CROT: variants seen among roughly 807,000 people sequenced by gnomAD.
The protein encoded by CROT is carnitine O-octanoyltransferase, also known as peroxisomal carnitine O-octanoyltransferase.
In CROT, 84 loss-of-function variants were observed where a neutral mutation model predicts 89.2. The observed-to-expected ratio is 0.94, with a 90% confidence interval of 0.79 to 1.13. The LOEUF is 1.13. Among genes scored for constraint, CROT ranks in the 50% most tolerant of loss-of-function variants. The pLI, the probability that CROT is intolerant of heterozygous loss-of-function variation, is 0.00. For synonymous variants in CROT, 212 were observed against 239.5 expected (o/e 0.89, Z 1.06); for missense variants, 711 against 727.8 (o/e 0.98, Z 0.27).
In CROT at chr7:87,375,928, A is replaced by T; in HGVS notation, c.851A>T (p.His284Leu). ...LVYSMEDSSP[H>L]VTPEDYSEII... is the part of the protein sequence containing the mutation. ...TATTCCATGGAGGATAGCAGTCCAC[A>T]TGTAACACCAGAGGATTATTCTGAG... The change falls in exon 9 of 18, where the codon CAT becomes CTT. Residue 284 changes from histidine (H) to leucine (L), a missense_variant. Coordinates refer to ENST00000331536, the MANE Select transcript of CROT (RefSeq NM_021151.4). 6.2e-7 allele frequency: 1 copy of T among 1,611,432 alleles called. No homozygotes were observed. Among genetic ancestry groups the T allele is most frequent in the Non-Finnish European group, 8.5e-7 (1 of 1,178,958 alleles).
chr7:87,383,488 T>G (rs974742653), intron 13 of CROT, among the ~76,000 whole-genome samples: 1 of 138,876 alleles, frequency 7.2e-6, no homozygotes, highest in Non-Finnish European at 1.5e-5. Context: ...CCATTGTGTA[T>G]GTATATCACT....
intron 6 of CROT, 46 bp downstream of exon 6, chr7:87,361,898 TG>T: frequency 1.3e-6 from 2 of 1,527,976 alleles, no homozygotes; most frequent in Non-Finnish European, 1.8e-6. Context: ...CACTGGAATT[TG>T]GGTAGCCTAC....
intron 1 of CROT, 37 bp downstream of exon 1, chr7:87,345,804 T>G: frequency 4.5e-6 from 1 of 221,000 alleles, no homozygotes. Context: ...CCCCTAATCC[T>G]TCAACTCGGG....
chr7:87,351,308 C>CAAAA (rs11295263), intron 3 of CROT, among the ~76,000 whole-genome samples: 1,131 of 66,176 alleles, frequency 0.017, 2 homozygotes, highest in East Asian at 0.024. Flanking sequence ...GACTCCATCT[C>CAAAA]AAAAAAAAAA....
At position 87,368,561 on chromosome 7, in the gene CROT, C is replaced by T. The variant is rs552142241; in HGVS notation, c.548-815C>T. Among the ~76,000 whole-genome samples the T allele has an allele frequency of 2.0e-5, 3 of 152,246 alleles. No homozygotes were observed. The South Asian group carries it at 6.2e-4, about 32-fold the overall frequency. On this transcript the variant is annotated intron_variant, in intron 6 of 17. Transcript: ENST00000331536. ...TTTTTATCAGGAGACTGTTCTTCCTCATAGTTGATGAAAAGATTTCATAAG... is the reference window on the plus strand; with the variant it reads ...TTTTTATCAGGAGACTGTTCTTCCTTATAGTTGATGAAAAGATTTCATAAG...
intron 13 of CROT, among the ~76,000 whole-genome samples, chr7:87,389,068 A>G (rs1807273711): frequency 6.6e-6 from 1 of 152,350 alleles, no homozygotes; most frequent in South Asian, 2.1e-4. Flanking sequence ...CAAAATCACA[A>G]TGAGATACCA....
chr7:87,365,349 GCA>G lies in CROT; in HGVS notation c.547+3500_547+3501del, dbSNP rs1188371696. 2.0e-5 allele frequency among the ~76,000 whole-genome samples: 3 copies of G among 152,102 alleles called. No homozygotes were observed. The East Asian group carries it at 5.8e-4, about 29-fold the overall frequency. On this transcript the variant is annotated intron_variant, in intron 6 of 17. Coordinates refer to ENST00000331536, the MANE Select transcript of CROT (RefSeq NM_021151.4). Reference sequence around the variant, plus strand: ...ACTAAAAATACAAAAATTTAGCTGGGCACAGTGGCTCGCGCCTGTAATCCCAG... The same window carrying G: ...ACTAAAAATACAAAAATTTAGCTGGGCAGTGGCTCGCGCCTGTAATCCCAG...
Position 87,391,692 on chromosome 7 carries a change from A to T in CROT, c.1405A>T (p.Met469Leu), listed in dbSNP as rs1201281194. 1.2e-6 allele frequency: 2 copies of T among 1,609,674 alleles called. No homozygotes were observed. The highest frequency in any genetic ancestry group is 1.7e-6 in the Non-Finnish European group (2 of 1,178,440). Residue 469 changes from methionine to leucine, a missense_variant, in exon 14 of 18, where the codon ATG becomes TTG. By Grantham distance (15) the Met-to-Leu change is conservative. Coordinates refer to ENST00000331536, the MANE Select transcript of CROT (RefSeq NM_021151.4). ...TVEAVRWCQS[M>L]QDPSVNLRER... is the part of the protein sequence containing the mutation. ...TGAAGCAGTGAGGTGGTGCCAGTCCATGCAGGATCCTTCTGTCAATGTGAG... is the reference window on the plus strand; with the variant it reads ...TGAAGCAGTGAGGTGGTGCCAGTCCTTGCAGGATCCTTCTGTCAATGTGAG...
intron 6 of CROT, among the ~76,000 whole-genome samples, chr7:87,362,359 C>T (rs802028): frequency 0.16 from 22,779 of 145,318 alleles, 2,239 homozygotes; most frequent in African/African-American, 0.29. Context: ...GCCCAGGTTG[C>T]GACCTCAGCT....
In CROT at chr7:87,357,442, G is replaced by C. The variant is rs570694016; in HGVS notation, c.116-1764G>C. ...AGACAGACCCCATTTATCAGAGGTGGCCAATTAGTGCTGTGCAGGCTGAAT... is the reference window on the plus strand; with the variant it reads ...AGACAGACCCCATTTATCAGAGGTGCCCAATTAGTGCTGTGCAGGCTGAAT... On this transcript the variant is annotated intron_variant, in intron 3 of 17. Coordinates refer to ENST00000331536, the MANE Select transcript of CROT (RefSeq NM_021151.4). 104 of 1,549,486 alleles carry C rather than the reference G, an allele frequency of 6.7e-5. 1 individual carries two copies. In the East Asian group the frequency reaches 9.5e-4, roughly 14 times the overall value.
At chr7:87,346,250 A>G (rs1584612709) in intron 1 of CROT, 90 bp from the exon 2 acceptor site, 3 of 152,190 alleles carry the variant, frequency 2.0e-5, no homozygotes, top group Non-Finnish European at 2.9e-5. Context: ...CCCAACTCCT[A>G]GTTTGTCTGC....
At chr7:87,397,416 G>A (rs973941519) in intron 17 of CROT, among the ~76,000 whole-genome samples, 1 of 151,912 alleles carries the variant, frequency 6.6e-6, no homozygotes, top group Non-Finnish European at 1.5e-5. Flanking sequence ...GTTTACCTAT[G>A]AAGTAAAACA....
chr7:87,356,153 G>GT (rs1312075512), intron 3 of CROT, among the ~76,000 whole-genome samples: 1 of 151,904 alleles, frequency 6.6e-6, no homozygotes, highest in Non-Finnish European at 1.5e-5. Context: ...GCTAATTTTT[G>GT]TATCTTTTGT....
chr7:87,352,252 T>G (rs1185870564), intron 3 of CROT, among the ~76,000 whole-genome samples: 1 of 152,228 alleles, frequency 6.6e-6, no homozygotes, highest in Non-Finnish European at 1.5e-5. Flanking sequence ...CTTTTTTTTG[T>G]TAAGGTATGC....
At position 87,397,879 on chromosome 7, in the gene CROT, A is replaced by G. The variant is rs111569341; in HGVS notation, c.1719-645A>G. On this transcript the variant is annotated intron_variant, in intron 17 of 17. Transcript: ENST00000331536. ...CACATTTTAATTTTGAGCCTAATTC[A>G]TATTTCGCTATAGAAACTTCTGTCT... is the stretch of plus-strand genomic sequence containing the variant. 6.6e-5 allele frequency among the ~76,000 whole-genome samples: 10 copies of G among 152,298 alleles called. 1 individual carries two copies. Among genetic ancestry groups the G allele is most frequent in the African/African-American group, 1.9e-4 (8 of 41,556 alleles).
intron 12 of CROT, 43 bp from the exon 13 acceptor site, chr7:87,382,370 C>T: frequency 6.3e-7 from 1 of 1,597,048 alleles, no homozygotes; most frequent in South Asian, 1.1e-5. Context: ...GTGTATTCTC[C>T]TTAGGTGATT....
At chr7:87,354,465 C>A in intron 3 of CROT, 1 of 497,480 alleles carries the variant, frequency 2.0e-6, no homozygotes, top group South Asian at 1.5e-5. Flanking sequence ...CTCTTAGGAA[C>A]AGCATTAGTT....
At chr7:87,351,308 C>CAAAAA (rs11295263) in intron 3 of CROT, among the ~76,000 whole-genome samples, 1,851 of 65,950 alleles carry the variant, frequency 0.028, 1 homozygote, top group Non-Finnish European at 0.033. Flanking sequence ...GACTCCATCT[C>CAAAAA]AAAAAAAAAA....
intron 6 of CROT, among the ~76,000 whole-genome samples, chr7:87,367,085 A>T (rs1378064882): frequency 6.6e-6 from 1 of 152,228 alleles, no homozygotes; most frequent in Non-Finnish European, 1.5e-5. Flanking sequence ...CTACTTTCTA[A>T]TCCCTGAAAT....
Sources: allele counts gnomAD v4.1 joint callset (sites outside exome capture counted in the v4.1 genomes callset), GRCh38; gene constraint gnomAD v4.1.1; transcripts MANE v1.5; gene names NCBI Gene and HGNC (gene_info 2026-07-23, HGNC 2026-07-21).